The following KATNIP variants were observed in gnomAD, a reference collection of about 807,000 sequenced individuals.
KATNIP encodes katanin-interacting protein.
KATNIP carries 126 observed loss-of-function variants against 174.0 expected under a neutral mutation model. That is an observed-to-expected ratio of 0.72 (90% confidence interval 0.63 to 0.84). KATNIP has a LOEUF of 0.84. Among genes scored for constraint, KATNIP ranks in the 40% least tolerant of loss-of-function variants. KATNIP has a pLI of 0.00. For missense variants in KATNIP, 1,958 were observed against 2,109.7 expected, an observed-to-expected ratio of 0.93 and a Z score of 1.41; for synonymous variants, 810 against 835.7, an observed-to-expected ratio of 0.97 and a Z score of 0.53.
intron 6 of KATNIP, among the ~76,000 whole-genome samples, chr16:27,657,085 G>A (rs993814051): frequency 3.9e-5 from 6 of 152,242 alleles, no homozygotes; most frequent in East Asian, 1.9e-4. Context: ...ATATTGTATT[G>A]ATGTTAAATT....
In KATNIP at chr16:27,780,304, T is replaced by TTAAC. The variant is rs1373852673; in HGVS notation, c.*1677_*1680dup. On this transcript the variant is annotated 3_prime_UTR_variant, in exon 28 of 28. Coordinates refer to ENST00000261588, the MANE Select transcript of KATNIP (RefSeq NM_015202.5). The stretch of plus-strand genomic sequence containing the variant: ...AGGGGAAAAAAAGGCTGTACAAGCT[T>TTAAC]TAACTCTAAAATAAATTTCTATTTT... The TTAAC allele has an allele frequency of 6.6e-6, 1 of 152,232 alleles. No individual in the cohort carries two copies. Among genetic ancestry groups the TTAAC allele is most frequent in the East Asian group, 1.9e-4 (1 of 5,202 alleles). 9.4% of individuals were successfully genotyped at this position (152,232 alleles called of 1,614,324 possible). A position where few individuals can be genotyped will look rare whatever the true frequency, so the allele number is the denominator to read the frequency against.
chr16:27,749,998 C>A lies in KATNIP; in HGVS notation c.3038C>A (p.Ala1013Glu), dbSNP rs1478861886. The A allele has an allele frequency of 4.3e-6, 7 of 1,614,066 alleles. No homozygotes were observed. The highest frequency in any genetic ancestry group is 5.9e-6 in the Non-Finnish European group (7 of 1,180,036). The change falls in exon 16 of 28, where the codon GCA (alanine) becomes GAA (glutamate). Residue 1013 changes from alanine to glutamate, a missense_variant. By Grantham distance (107) the Ala-to-Glu change is moderately radical. Around this residue, in one of 3 missense-constraint regions of KATNIP, gnomAD observed 1,557 missense variants for 1,617.8 expected, o/e 0.96. Coordinates refer to ENST00000261588, the MANE Select transcript of KATNIP (RefSeq NM_015202.5). ...CCGGTGCAGATTTCAAACATAAAAG[C>A]AGACCCTCCCGATATCAATATTTTA... ...GEPVQISNIK[A>E]DPPDINILPA...
chr16:27,701,774 T>C, intron 11 of KATNIP, 79 bp downstream of exon 11: 2 of 985,732 alleles, frequency 2.0e-6, no homozygotes, highest in Non-Finnish European at 3.1e-6. Flanking sequence ...GGTTCTTTGC[T>C]TTTCCTACGT....
At chr16:27,686,187 A>G (rs2078516538) in intron 8 of KATNIP, among the ~76,000 whole-genome samples, 1 of 152,194 alleles carries the variant, frequency 6.6e-6, no homozygotes, top group Non-Finnish European at 1.5e-5. Flanking sequence ...CAGAATCACA[A>G]ACCAACTCAC....
At chr16:27,606,747 G>A (rs1337198249) in intron 2 of KATNIP, among the ~76,000 whole-genome samples, 3 of 149,230 alleles carry the variant, frequency 2.0e-5, no homozygotes, top group Non-Finnish European at 4.4e-5. Context: ...TTTTTTTTTG[G>A]TAGAAGTGGG....
Position 27,749,599 on chromosome 16 carries a change from C to T in KATNIP, c.2639C>T (p.Ser880Phe). The change falls in exon 16 of 28, where the codon TCC (serine) becomes TTC (phenylalanine). Residue 880 changes from serine (S) to phenylalanine (F), a missense_variant. This residue lies in a region of KATNIP where 1,557 missense variants were observed against 1,617.8 expected (regional missense o/e 0.96). Transcript: ENST00000261588. ...QPASREDTWSSRTPSRSRWRS... is the reference protein window; with the variant it reads ...QPASREDTWSFRTPSRSRWRS... Reference sequence around the variant, plus strand: ...TTTCTTCCAGAAGACACCTGGTCTTCCAGGACGCCGTCACGGTCAAGGTGG... The same window carrying T: ...TTTCTTCCAGAAGACACCTGGTCTTTCAGGACGCCGTCACGGTCAAGGTGG... The T allele has an allele frequency of 6.5e-7, 1 of 1,531,364 alleles. No individual in the cohort carries two copies. Among genetic ancestry groups the T allele is most frequent in the Non-Finnish European group, 8.8e-7 (1 of 1,140,670 alleles). The allele number at this position is 1,531,364 out of a possible 1,614,324, so 94.9% of individuals were successfully genotyped here. A position where few individuals can be genotyped will look rare whatever the true frequency, so the allele number is the denominator to read the frequency against.
At chr16:27,553,181 A>C (rs2089465864) in intron 1 of KATNIP, among the ~76,000 whole-genome samples, 1 of 152,228 alleles carries the variant, frequency 6.6e-6, no homozygotes, top group Non-Finnish European at 1.5e-5. Context: ...AGTTATGCAA[A>C]TCTAAACGTT....
intron 13 of KATNIP, among the ~76,000 whole-genome samples, chr16:27,715,084 T>C (rs962610484): frequency 2.0e-5 from 3 of 152,210 alleles, no homozygotes; most frequent in Non-Finnish European, 4.4e-5. Context: ...GGTACTGGCA[T>C]AGGATAGACA....
chr16:27,759,002 A>T (rs2081845661), intron 18 of KATNIP, among the ~76,000 whole-genome samples: 1 of 152,208 alleles, frequency 6.6e-6, no homozygotes, highest in Non-Finnish European at 1.5e-5. Flanking sequence ...ATATTCGTTG[A>T]CTGTTGACTG....
chr16:27,642,386 G>A (rs578033694), intron 5 of KATNIP, among the ~76,000 whole-genome samples: 24 of 152,266 alleles, frequency 1.6e-4, no homozygotes, highest in African/African-American at 4.1e-4. Context: ...CACAGGAAGG[G>A]GAACATCACA....
At chr16:27,664,153 A>G (rs1227951563) in intron 6 of KATNIP, among the ~76,000 whole-genome samples, 1 of 152,146 alleles carries the variant, frequency 6.6e-6, no homozygotes, top group Non-Finnish European at 1.5e-5. Flanking sequence ...CGTTCTAAGT[A>G]AACAGTTTTT....
chr16:27,599,836 C>T lies in KATNIP; in HGVS notation c.64-18589C>T, dbSNP rs553596120. Among the ~76,000 whole-genome samples, 64 of 152,328 alleles carry T rather than the reference C, an allele frequency of 4.2e-4. 1 individual carries two copies. Among genetic ancestry groups the T allele is most frequent in the African/African-American group, 1.5e-3 (61 of 41,582 alleles). ...GTGTTTGTGGTCCATCCGCCTCAGTCCCGTGTCAGTCTCTGTCCCACGTGC... is the reference window on the plus strand; with the variant it reads ...GTGTTTGTGGTCCATCCGCCTCAGTTCCGTGTCAGTCTCTGTCCCACGTGC... On this transcript the variant is annotated intron_variant, in intron 2 of 27. Coordinates refer to ENST00000261588, the MANE Select transcript of KATNIP (RefSeq NM_015202.5).
intron 16 of KATNIP, among the ~76,000 whole-genome samples, 200 bp downstream of exon 16, chr16:27,750,506 G>A (rs1407273166): frequency 2.7e-5 from 4 of 147,758 alleles, no homozygotes; most frequent in East Asian, 4.0e-4. Flanking sequence ...TGCAAGATCC[G>A]CCTCCCGGGT....
At chr16:27,656,770 C>G (rs904685665) in intron 6 of KATNIP, among the ~76,000 whole-genome samples, 5 of 131,560 alleles carry the variant, frequency 3.8e-5, no homozygotes, top group African/African-American at 1.2e-4. Context: ...AGGGGAATAT[C>G]ACACTCTGGG....
intron 6 of KATNIP, among the ~76,000 whole-genome samples, chr16:27,655,185 T>G (rs1398322122): frequency 1.1e-3 from 27 of 23,660 alleles, no homozygotes; most frequent in African/African-American, 4.0e-3. Context: ...TGGATATATA[T>G]ATATATATAT....
intron 2 of KATNIP, among the ~76,000 whole-genome samples, chr16:27,605,612 G>A (rs921571767): frequency 1.3e-5 from 2 of 152,156 alleles, no homozygotes; most frequent in Admixed American, 6.5e-5. Flanking sequence ...TGGCATGCGC[G>A]TAGGATGTAA....
rs887743435 is a variant in KATNIP, at chr16:27,699,722, C to T, written c.1179+123C>T. 7 of 1,283,206 alleles carry T rather than the reference C, an allele frequency of 5.5e-6. No individual in the cohort carries two copies. In the Admixed American group the frequency reaches 1.5e-4, roughly 28 times the overall value. The allele number at this position is 1,283,206 out of a possible 1,614,324, so 79.5% of individuals were successfully genotyped here. ...ATAGCACCTGATGGCCTCCAGGGCG[C>T]TTTCCTTCACACTGTCCTACCAGGT... On this transcript the variant is annotated intron_variant, in intron 10 of 27. Transcript: ENST00000261588.
intron 1 of KATNIP, among the ~76,000 whole-genome samples, chr16:27,567,648 C>T (rs528427596): frequency 5.3e-4 from 81 of 152,318 alleles, no homozygotes; most frequent in African/African-American, 1.7e-3. Flanking sequence ...CTCAGCCTCC[C>T]GAGTAGCTGG....
Position 27,662,095 on chromosome 16 carries a change from C to CATAT in KATNIP, c.540+13376_540+13379dup, listed in dbSNP as rs71137801. 3.3e-3 allele frequency among the ~76,000 whole-genome samples: 128 copies of CATAT among 38,280 alleles called. 18 individuals carry two copies. Among genetic ancestry groups the CATAT allele is most frequent in the African/African-American group, 0.012 (109 of 9,424 alleles). The allele number at this position is 38,280 out of a possible 152,430, so 25.1% of individuals were successfully genotyped here. A position where few individuals can be genotyped will look rare whatever the true frequency, so the allele number is the denominator to read the frequency against. On this transcript the variant is annotated intron_variant, in intron 6 of 27. Transcript: ENST00000261588. ...ATACACACATATATATATACACATA[C>CATAT]ATATATATATATATATATAGTATAA...
Sources: gnomAD v4.1 joint callset for allele counts (sites outside exome capture counted in the v4.1 genomes callset) on GRCh38, gnomAD v4.1.1 for gene constraint, gnomAD v4.1.1 regional missense constraint, MANE v1.5 for transcripts, NCBI Gene and HGNC (gene_info 2026-07-23, HGNC 2026-07-21) for gene names.